PUDP: variants seen among roughly 807,000 people sequenced by gnomAD.
The protein encoded by PUDP is pseudouridine-5'-phosphatase.
PUDP carries 8 observed loss-of-function variants against 9.4 expected under a neutral mutation model. The ratio of observed to expected loss-of-function variants is 0.85; its 90% CI spans 0.50 to 1.53. PUDP has a LOEUF of 1.53. PUDP is among the 40% of genes most tolerant of loss of function. PUDP has a pLI of 0.00. For synonymous variants in PUDP, 99 were observed against 80.7 expected (o/e 1.23, Z -1.22); for missense variants, 188 against 189.7 (o/e 0.99, Z 0.05).
At chrX:6,975,811 C>G (rs1482718804) in intron 3 of PUDP, among the ~76,000 whole-genome samples, 2 of 112,265 alleles carry the variant, frequency 1.8e-5, no homozygotes, top group Admixed American at 1.9e-4. Context: ...ACAGCCGCCC[C>G]TTCCCCCAGG....
At position 6,720,144 on chromosome X, in the gene PUDP, A is replaced by G. The variant is rs753359927; in HGVS notation, n.128+1273T>C. ...TTCATATATATATATACGTGTGTAT[A>G]TATATGTGTGTATATATATGTGTAT... On this transcript the variant is annotated intron_variant and non_coding_transcript_variant, in intron 1 of 2. Transcript: ENST00000438499. Among the ~76,000 whole-genome samples the G allele has an allele frequency of 8.7e-5, 9 of 103,436 alleles. 1 individual carries two copies. The South Asian group carries it at 3.9e-3, about 45-fold the overall frequency. 89.8% of individuals were successfully genotyped at this position (103,436 alleles called of 115,157 possible).
intron 3 of PUDP, among the ~76,000 whole-genome samples, chrX:6,871,377 G>T (rs1247699200): frequency 1.8e-5 from 2 of 111,700 alleles, no homozygotes; most frequent in Non-Finnish European, 1.9e-5. Context: ...AGACTGTGAG[G>T]CTGGGAATCT....
At chrX:7,017,675 C>T (rs1418699097) in intron 1 of PUDP, among the ~76,000 whole-genome samples, 1 of 111,903 alleles carries the variant, frequency 8.9e-6, no homozygotes, top group Non-Finnish European at 1.9e-5. Context: ...TTACTCATGC[C>T]CACCTGCATA....
intron 3 of PUDP, among the ~76,000 whole-genome samples, chrX:6,933,787 A>AGGAGCTGAT (rs1484545631): frequency 8.9e-6 from 1 of 111,834 alleles, no homozygotes; most frequent in Non-Finnish European, 1.9e-5. Flanking sequence ...AAGTGCTTAA[A>AGGAGCTGAT]GGAGCTGATG....
intron 3 of PUDP, among the ~76,000 whole-genome samples, chrX:6,936,940 C>T (rs1928312637): frequency 1.1e-5 from 1 of 89,248 alleles, no homozygotes; most frequent in Non-Finnish European, 2.2e-5. Flanking sequence ...TGAAGGACCT[C>T]TTCAAGGAGA....
chrX:6,966,069 G>A (rs1301343356), intron 3 of PUDP, among the ~76,000 whole-genome samples: 1 of 111,361 alleles, frequency 9.0e-6, no homozygotes, highest in African/African-American at 3.3e-5. Flanking sequence ...TTATGAGGAT[G>A]TAAGTTTGGT....
intron 3 of PUDP, among the ~76,000 whole-genome samples, chrX:6,905,927 C>G (rs1927760026): frequency 8.9e-6 from 1 of 112,098 alleles, no homozygotes; most frequent in South Asian, 3.8e-4. Flanking sequence ...CAATTTTCAC[C>G]AATAACATTG....
intron 3 of PUDP, among the ~76,000 whole-genome samples, chrX:6,730,610 G>A (rs1335972186): frequency 8.9e-6 from 1 of 112,220 alleles, no homozygotes; most frequent in Non-Finnish European, 1.9e-5. Flanking sequence ...GTTATGAATA[G>A]AAATAGCAAA....
intron 3 of PUDP, among the ~76,000 whole-genome samples, chrX:6,822,985 C>A (rs1051404450): frequency 2.7e-5 from 3 of 111,252 alleles, no homozygotes; most frequent in Non-Finnish European, 5.6e-5. Flanking sequence ...TCTGTCTTTT[C>A]TTTTAAGGGG....
intron 3 of PUDP, among the ~76,000 whole-genome samples, chrX:6,876,519 TA>T (rs1927256075): frequency 9.1e-6 from 1 of 110,218 alleles, no homozygotes; most frequent in Non-Finnish European, 1.9e-5. Flanking sequence ...TATAGACATA[TA>T]CATATATATA....
chrX:6,775,987 C>T (rs181234853), intron 3 of PUDP, among the ~76,000 whole-genome samples: 2 of 111,582 alleles, frequency 1.8e-5, no homozygotes, highest in South Asian at 3.8e-4. Context: ...ATGGTAACTC[C>T]GTTTTCACCT....
intron 2 of PUDP, among the ~76,000 whole-genome samples, chrX:7,080,687 G>A (rs928411470): frequency 2.1e-4 from 23 of 111,754 alleles, no homozygotes; most frequent in African/African-American, 7.5e-4. Context: ...GTATCACAGA[G>A]GACTATATTT....
At chrX:7,007,980 T>C (rs948670846) in intron 1 of PUDP, among the ~76,000 whole-genome samples, 9 of 110,880 alleles carry the variant, frequency 8.1e-5, no homozygotes, top group Admixed American at 6.7e-4. Flanking sequence ...TTTTTCTTTT[T>C]TGAGATGGAG....
At chrX:7,130,186 A>G (rs772028222) in intron 1 of PUDP, among the ~76,000 whole-genome samples, 36 of 111,160 alleles carry the variant, frequency 3.2e-4, no homozygotes, top group Admixed American at 3.0e-3. Flanking sequence ...AGTAGAATAA[A>G]AGGACTTCAA....
chrX:7,054,182 G>A (rs949893916), intron 3 of PUDP, among the ~76,000 whole-genome samples: 14 of 111,855 alleles, frequency 1.3e-4, no homozygotes, highest in Admixed American at 1.0e-3. Flanking sequence ...GCCGAGGTAC[G>A]CGGATCACTT....
At chrX:6,988,179 G>T (rs960476260) in intron 1 of PUDP, among the ~76,000 whole-genome samples, 1 of 112,060 alleles carries the variant, frequency 8.9e-6, no homozygotes, top group Non-Finnish European at 1.9e-5. Context: ...GATTTTCAAA[G>T]ACAAAACTGT....
At chrX:6,733,605 C>G (rs1246505202) in intron 3 of PUDP, among the ~76,000 whole-genome samples, 1 of 109,069 alleles carries the variant, frequency 9.2e-6, no homozygotes, top group African/African-American at 3.3e-5. Flanking sequence ...TGCAGGAATC[C>G]AGAGAGAGAT....
intron 3 of PUDP, among the ~76,000 whole-genome samples, chrX:6,736,384 A>G (rs1924872763): frequency 8.9e-6 from 1 of 112,147 alleles, no homozygotes; most frequent in African/African-American, 3.2e-5. Context: ...TATATGAAAC[A>G]GGCTCTTTCA....
chrX:7,119,387 A>C (rs1932279531), intron 1 of PUDP, among the ~76,000 whole-genome samples: 1 of 112,683 alleles, frequency 8.9e-6, no homozygotes, highest in South Asian at 3.6e-4. Context: ...TTTACAAATG[A>C]GCCTGCATGT....
Sources: allele counts gnomAD v4.1 joint callset (sites outside exome capture counted in the v4.1 genomes callset), GRCh38; gene constraint gnomAD v4.1.1; transcripts MANE v1.5; gene names NCBI Gene and HGNC (gene_info 2026-07-23, HGNC 2026-07-21).